The following ELAVL2 variants were observed in gnomAD, a reference collection of about 807,000 sequenced individuals.
ELAVL2 encodes ELAV-like protein 2.
A neutral mutation model predicts 34.6 loss-of-function variants in ELAVL2; 4 were observed. The ratio of observed to expected loss-of-function variants is 0.12; its 90% CI spans 0.06 to 0.26. ELAVL2 has a LOEUF of 0.26. Ranked by LOEUF, ELAVL2 falls within the 10% of genes least tolerant of loss-of-function variation. The pLI, the probability that ELAVL2 is intolerant of heterozygous loss-of-function variation, is 1.00. For missense variants in ELAVL2, 432 were observed against 442.8 expected (o/e 0.98, Z 0.22); for synonymous variants, 193 against 154.8 (o/e 1.25, Z -1.83).
At chr9:23,706,202 G>A (rs1030035684) in intron 3 of ELAVL2, among the ~76,000 whole-genome samples, 13 of 152,142 alleles carry the variant, frequency 8.5e-5, no homozygotes, top group Admixed American at 6.5e-4. Context: ...TTTGAGATAC[G>A]GTATACCAAA....
Position 23,692,590 on chromosome 9 carries a change from G to T in ELAVL2, c.1047C>A (p.Val349=). 1.2e-6 allele frequency: 2 copies of T among 1,614,048 alleles called. No individual in the cohort carries two copies. The highest frequency in any genetic ancestry group is 1.7e-6 in the Non-Finnish European group (2 of 1,179,924). The change falls in exon 7 of 7, where the codon GTC becomes GTA. Residue 349 remains valine, a synonymous_variant. Transcript: ENST00000397312. ...GYRLGDRVLQ[V]SFKTNKTHKA ...TGTGCGTTTTGTTTGTCTTAAAGGAGACCTGCAGTACTCTGTCTCCCAGAC... is the reference window on the plus strand; with the variant it reads ...TGTGCGTTTTGTTTGTCTTAAAGGATACCTGCAGTACTCTGTCTCCCAGAC...
At chr9:23,849,580 T>C in the ELAVL2 span, 1 of 152,246 alleles carries the variant, frequency 6.6e-6, no homozygotes, top group Non-Finnish European at 1.5e-5. Context: ...CAAGGTTCTT[T>C]TGAAACCAGA....
At chr9:23,791,723 G>A (rs921259909) in intron 1 of ELAVL2, among the ~76,000 whole-genome samples, 1 of 152,226 alleles carries the variant, frequency 6.6e-6, no homozygotes, top group Non-Finnish European at 1.5e-5. Context: ...TGAGGACACA[G>A]TGAGAAGGTG....
chr9:23,741,746 T>C (rs1337656850), intron 2 of ELAVL2, among the ~76,000 whole-genome samples: 1 of 150,896 alleles, frequency 6.6e-6, no homozygotes, highest in Non-Finnish European at 1.5e-5. Context: ...GACACACAGA[T>C]CCTGCACCAC....
chr9:23,848,826 T>A, the ELAVL2 span, among the ~76,000 whole-genome samples: 8 of 152,282 alleles, frequency 5.3e-5, no homozygotes, highest in South Asian at 1.7e-3. Context: ...CAGTGGGTAT[T>A]TCTGTTTCCA....
chr9:23,729,176 T>C (rs1043206505), intron 3 of ELAVL2, among the ~76,000 whole-genome samples: 2 of 152,176 alleles, frequency 1.3e-5, no homozygotes, highest in African/African-American at 4.8e-5. Context: ...GGAGGATATT[T>C]AGTAAAAGAA....
intron 1 of ELAVL2, among the ~76,000 whole-genome samples, chr9:23,776,641 G>A (rs1399004267): frequency 6.6e-6 from 1 of 151,148 alleles, no homozygotes; most frequent in Non-Finnish European, 1.5e-5. Flanking sequence ...GTCCTAAGAA[G>A]GTGTCCAAAG....
chr9:23,832,544 T>TA, the ELAVL2 span, among the ~76,000 whole-genome samples: 1 of 152,234 alleles, frequency 6.6e-6, no homozygotes, highest in African/African-American at 2.4e-5. Context: ...ACTAATGTCT[T>TA]AGTGTTGTAC....
At chr9:23,776,070 T>C (rs1406593821) in intron 1 of ELAVL2, among the ~76,000 whole-genome samples, 1 of 152,224 alleles carries the variant, frequency 6.6e-6, no homozygotes, top group African/African-American at 2.4e-5. Context: ...TGTGGTTTTA[T>C]GTTCCCTGCC....
Position 23,692,855 on chromosome 9 carries a change from G to C in ELAVL2, c.782C>G (p.Thr261Ser). 1 of 1,614,008 alleles carries C rather than the reference G, an allele frequency of 6.2e-7. No homozygotes were observed. The highest frequency in any genetic ancestry group is 8.5e-7 in the Non-Finnish European group (1 of 1,179,920). ...RFSPMTIDGM[T>S]SLAGINIPGH... ...AGGGATATTAATTCCAGCCAAACTG[G>C]TCATTCCGTCAATGGTCATTGGAGA... Residue 261 changes from threonine to serine, a missense_variant, in exon 7 of 7, where the codon ACC becomes AGC. By Grantham distance (58) the Thr-to-Ser change is moderately conservative (BLOSUM62 1). Transcript: ENST00000397312.
intron 2 of ELAVL2, among the ~76,000 whole-genome samples, chr9:23,752,462 CTTTT>C (rs899957101): frequency 1.3e-5 from 2 of 150,612 alleles, no homozygotes; most frequent in African/African-American, 4.9e-5. Context: ...ACTTAAGAAA[CTTTT>C]TTTTGTTTTT....
chr9:23,827,757 G>C (rs2065369940), upstream of ELAVL2, among the ~76,000 whole-genome samples: 1 of 152,230 alleles, frequency 6.6e-6, no homozygotes, highest in South Asian at 2.1e-4. Flanking sequence ...TTGAAGTGAG[G>C]AATACAGTAA....
chr9:23,781,876 G>A (rs902363163), intron 1 of ELAVL2, among the ~76,000 whole-genome samples: 3 of 152,034 alleles, frequency 2.0e-5, no homozygotes, highest in African/African-American at 7.2e-5. Context: ...AGTAGAGACG[G>A]GGTTTCAGCG....
chr9:23,741,940 T>C (rs1166533433), intron 2 of ELAVL2, among the ~76,000 whole-genome samples: 4 of 152,286 alleles, frequency 2.6e-5, no homozygotes, highest in Middle Eastern at 3.4e-3. Flanking sequence ...CAGCTGAACC[T>C]GGGTTCGGTT....
chr9:23,798,653 T>C (rs1588619950), intron 1 of ELAVL2, among the ~76,000 whole-genome samples: 2 of 152,284 alleles, frequency 1.3e-5, no homozygotes, highest in South Asian at 2.1e-4. Flanking sequence ...TCTGCCTTTG[T>C]AGGGGGTGTG....
In ELAVL2 at chr9:23,719,170, T is replaced by C. The variant is rs117996899; in HGVS notation, c.333+11852A>G. Among the ~76,000 whole-genome samples, 639 of 152,276 alleles carry C rather than the reference T, an allele frequency of 4.2e-3. 35 individuals are homozygous for C. In the East Asian group the frequency reaches 0.095, roughly 23 times the overall value. On this transcript the variant is annotated intron_variant, in intron 3 of 6. Coordinates refer to ENST00000397312, the MANE Select transcript of ELAVL2 (RefSeq NM_004432.5). ...CCTGCTTCAGATCTCCAGAAGCACC[T>C]TGAGAATCCCGTCCTGAGATATTTA...
chr9:23,701,718 A>G (rs948232362), intron 4 of ELAVL2, 114 bp from the exon 5 acceptor site: 22 of 1,076,874 alleles, frequency 2.0e-5, no homozygotes, highest in Non-Finnish European at 3.0e-5. Context: ...ACCTACATAT[A>G]ACATTTCCCA....
At chr9:23,849,421 G>A in the ELAVL2 span, 5 of 152,184 alleles carry the variant, frequency 3.3e-5, no homozygotes, top group Non-Finnish European at 7.3e-5. Flanking sequence ...GTTGCTACCT[G>A]AGGAAGTGTG....
intron 4 of ELAVL2, among the ~76,000 whole-genome samples, chr9:23,703,147 C>T (rs1053317948): frequency 1.3e-5 from 2 of 151,868 alleles, no homozygotes; most frequent in African/African-American, 4.8e-5. Context: ...ACTGCAGGTG[C>T]GGGACATACT....
Sources: allele counts gnomAD v4.1 joint callset (sites outside exome capture counted in the v4.1 genomes callset), GRCh38; gene constraint gnomAD v4.1.1; transcripts MANE v1.5; gene names NCBI Gene and HGNC (gene_info 2026-07-23, HGNC 2026-07-21).